OCA2: variants seen among roughly 807,000 people sequenced by gnomAD.
OCA2 encodes the protein P protein.
A neutral mutation model predicts 100.2 loss-of-function variants in OCA2; 77 were observed. That is an observed-to-expected ratio of 0.77 (90% CI 0.64 to 0.93). The LOEUF (loss-of-function observed/expected upper bound fraction) is 0.93, where lower values mean the gene tolerates loss of function less well. OCA2 is among the 40% of genes least tolerant of loss of function. OCA2 has a pLI of 0.00. For missense variants in OCA2, 1,062 were observed against 1,089.1 expected (o/e 0.98, Z 0.35); for synonymous variants, 432 against 439.2 (o/e 0.98, Z 0.21).
At chr15:27,774,679 A>G (rs566067855) in intron 23 of OCA2, among the ~76,000 whole-genome samples, 13 of 152,294 alleles carry the variant, frequency 8.5e-5, no homozygotes, top group African/African-American at 3.1e-4. Context: ...ATTTGGAGAC[A>G]AGCTCTTTAA....
At position 27,755,138 on chromosome 15, in the gene OCA2, C is replaced by G. The variant is rs2030237595; in HGVS notation, c.*250G>C. On this transcript the variant is annotated 3_prime_UTR_variant, in exon 24 of 24. Coordinates refer to ENST00000354638, the MANE Select transcript of OCA2 (RefSeq NM_000275.3). ...CATACGTATTTTTCTGGAGGGGAAT[C>G]TTGAGTAAGTTATCTCACATCTTTC... 1 of 469,042 alleles carries G rather than the reference C, an allele frequency of 2.1e-6. No individual in the cohort carries two copies. Among genetic ancestry groups the G allele is most frequent in the Admixed American group, 3.3e-5 (1 of 30,532 alleles). The allele number at this position is 469,042 out of a possible 1,614,324, so 29.1% of individuals were successfully genotyped here.
chr15:27,743,041 G>C, the OCA2 span, among the ~76,000 whole-genome samples: 1 of 152,190 alleles, frequency 6.6e-6, no homozygotes, highest in Non-Finnish European at 1.5e-5. Context: ...TAGACATTCC[G>C]CAAGGCTCCA....
At chr15:27,896,277 C>T (rs1479029297) in intron 19 of OCA2, 18 of 1,109,882 alleles carry the variant, frequency 1.6e-5, no homozygotes, top group East Asian at 2.4e-5. Flanking sequence ...AGAAGTACAC[C>T]GGAAGCACAT....
chr15:27,737,927 A>T, the OCA2 span, among the ~76,000 whole-genome samples: 3 of 152,248 alleles, frequency 2.0e-5, no homozygotes, highest in Non-Finnish European at 4.4e-5. Context: ...GCTCAACATC[A>T]TCAGTCATCA....
chr15:28,003,677 G>A (rs924441229), intron 9 of OCA2, among the ~76,000 whole-genome samples: 1 of 152,186 alleles, frequency 6.6e-6, no homozygotes, highest in African/African-American at 2.4e-5. Context: ...TGAGCCCGAG[G>A]TGTGTCAATG....
chr15:27,864,929 AC>A (rs1252610282), intron 21 of OCA2, among the ~76,000 whole-genome samples: 1 of 151,878 alleles, frequency 6.6e-6, no homozygotes, highest in African/African-American at 2.4e-5. Flanking sequence ...CCGCCTGCCC[AC>A]CAAGAGGGCA....
At chr15:28,062,408 G>T (rs913217361) in intron 2 of OCA2, among the ~76,000 whole-genome samples, 2 of 152,140 alleles carry the variant, frequency 1.3e-5, no homozygotes, top group African/African-American at 4.8e-5. Context: ...TGTGGGCATG[G>T]GGGGAGTCTT....
chr15:27,971,238 T>G (rs1376010085), intron 14 of OCA2, among the ~76,000 whole-genome samples: 2 of 152,110 alleles, frequency 1.3e-5, no homozygotes, highest in East Asian at 3.9e-4. Flanking sequence ...GGGAAAAGTA[T>G]AAAAAGCATC....
intron 23 of OCA2, among the ~76,000 whole-genome samples, chr15:27,804,479 C>T (rs1352223365): frequency 6.6e-6 from 1 of 152,120 alleles, no homozygotes; most frequent in Non-Finnish European, 1.5e-5. Context: ...CCCTATTTCG[C>T]GTGGATGGAA....
chr15:28,095,610 G>A (rs969682382), intron 1 of OCA2, among the ~76,000 whole-genome samples: 2 of 152,048 alleles, frequency 1.3e-5, no homozygotes, highest in Admixed American at 1.3e-4. Context: ...CCAGCTACTC[G>A]GGAGGCTGAG....
intron 23 of OCA2, among the ~76,000 whole-genome samples, chr15:27,824,923 G>C (rs2034659108): frequency 6.6e-6 from 1 of 151,826 alleles, no homozygotes. Context: ...TAGTCACAGG[G>C]GGCATAGGCA....
the OCA2 span, among the ~76,000 whole-genome samples, chr15:27,747,068 C>G: frequency 5.3e-5 from 8 of 152,224 alleles, no homozygotes; most frequent in South Asian, 8.3e-4. Context: ...GTCTCCTCCA[C>G]TTGAAAATTA....
At chr15:27,776,974 T>TGGGGGGGGGGGGGGGGGGGGGGGGGG (rs368182175) in intron 23 of OCA2, among the ~76,000 whole-genome samples, 1 of 43,238 alleles carries the variant, frequency 2.3e-5, no homozygotes. Context: ...GAGCGTGAGG[T>TGGGGGGGGGGGGGGGGGGGGGGGGGG]GGGGGGGGGT....
chr15:28,050,683 C>T (rs1472955673), intron 2 of OCA2, among the ~76,000 whole-genome samples: 3 of 151,976 alleles, frequency 2.0e-5, no homozygotes, highest in Non-Finnish European at 4.4e-5. Flanking sequence ...TTGCTTCATA[C>T]ACCTCAGGTT....
intron 23 of OCA2, among the ~76,000 whole-genome samples, chr15:27,832,364 C>A (rs2034995681): frequency 6.6e-6 from 1 of 152,224 alleles, no homozygotes; most frequent in Non-Finnish European, 1.5e-5. Flanking sequence ...AAAGAAAAAT[C>A]GCATTGCAAG....
chr15:28,029,506 G>GAAAT (rs1208372402), intron 3 of OCA2, among the ~76,000 whole-genome samples: 4 of 151,736 alleles, frequency 2.6e-5, no homozygotes, highest in African/African-American at 9.7e-5. Context: ...TGTGGTGATA[G>GAAAT]AAATGTTCGC....
intron 23 of OCA2, among the ~76,000 whole-genome samples, chr15:27,827,356 G>A (rs1255389613): frequency 6.6e-6 from 1 of 152,204 alleles, no homozygotes; most frequent in Non-Finnish European, 1.5e-5. Context: ...TTAGGATTAA[G>A]CTGAGTTCTG....
chr15:28,061,917 G>A (rs1335459989), intron 2 of OCA2, among the ~76,000 whole-genome samples: 2 of 152,056 alleles, frequency 1.3e-5, no homozygotes, highest in African/African-American at 4.8e-5. Flanking sequence ...TATTTTTATG[G>A]GAACTATGTT....
At chr15:27,975,239 C>G (rs557635534) in intron 14 of OCA2, among the ~76,000 whole-genome samples, 2 of 152,020 alleles carry the variant, frequency 1.3e-5, no homozygotes, top group South Asian at 4.2e-4. Context: ...TGATGCTAGT[C>G]AGGAGAGTTA....
Sources: allele counts gnomAD v4.1 joint callset (sites outside exome capture counted in the v4.1 genomes callset), GRCh38; gene constraint gnomAD v4.1.1; transcripts MANE v1.5; gene names NCBI Gene and HGNC (gene_info 2026-07-23, HGNC 2026-07-21).